The following EPS8 variants were observed in gnomAD, a reference collection of about 807,000 sequenced individuals.
EPS8 encodes the protein EGFR pathway substrate 8, signaling adaptor.
Under a neutral mutation model 103.8 loss-of-function variants are expected in EPS8, and 42 were observed. The observed-to-expected ratio is 0.40, with a 90% CI of 0.32 to 0.52. The LOEUF is 0.52. Among genes scored for constraint, EPS8 ranks in the 20% least tolerant of loss-of-function variants. The pLI is 0.40. For missense variants in EPS8, 969 were observed against 1,005.1 expected (o/e 0.96, Z 0.49); for synonymous variants, 344 against 344.6 (o/e 1.00, Z 0.02).
At chr12:15,664,327 C>A (rs980511064) in intron 8 of EPS8, among the ~76,000 whole-genome samples, 2 of 151,414 alleles carry the variant, frequency 1.3e-5, no homozygotes, top group Non-Finnish European at 2.9e-5. Context: ...TTTTTCATAT[C>A]TTTGGTAGCT....
At position 15,670,959 on chromosome 12, in the gene EPS8, C is replaced by T. The variant is rs549861686; in HGVS notation, c.137-36G>A. The T allele has an allele frequency of 1.6e-5, 24 of 1,498,624 alleles. No homozygotes were observed. In the South Asian group the frequency reaches 2.6e-4, roughly 16 times the overall value. 92.8% of individuals were successfully genotyped at this position (1,498,624 alleles called of 1,614,324 possible). On this transcript the variant is annotated intron_variant, in intron 3 of 20. Coordinates refer to ENST00000281172, the MANE Select transcript of EPS8 (RefSeq NM_004447.6). ...AATTGAAAAAGCCATGATTTGTCCC[C>T]TAATAGACTGAAGTTCATATGTTGG...
Position 15,731,077 on chromosome 12 carries a change from G to A in EPS8, c.-21-48105C>T, listed in dbSNP as rs896693543. 6.6e-6 allele frequency among the ~76,000 whole-genome samples: 1 copy of A among 152,024 alleles called. No individual in the cohort carries two copies. The highest frequency in any genetic ancestry group is 2.4e-5 in the African/African-American group (1 of 41,396). On this transcript the variant is annotated intron_variant, in intron 1 of 20. Coordinates refer to ENST00000281172, the MANE Select transcript of EPS8 (RefSeq NM_004447.6). The surrounding 1 kb of genome is among the most constrained non-coding windows in gnomAD (Gnocchi z 5.1). Reference sequence around the variant, plus strand: ...AGTTCAGTCAAAAATATATATCATAGTACCTTAAAGGCATATCTATATATG... The same window carrying A: ...AGTTCAGTCAAAAATATATATCATAATACCTTAAAGGCATATCTATATATG...
rs1055915207 is a variant in EPS8, at chr12:15,761,146, C to A, written c.-22+28015G>T. On this transcript the variant is annotated intron_variant, in intron 1 of 20. Transcript: ENST00000281172. The surrounding 1 kb of genome is among the most constrained non-coding windows in gnomAD (Gnocchi z 4.5). ...AATCAGTAGCATTTCTACATGCCAA[C>A]AGACAACAATCTGAAAAAGAAAAAA... Among the ~76,000 whole-genome samples, 1 of 151,732 alleles carries A rather than the reference C, an allele frequency of 6.6e-6. No homozygotes were observed. Among genetic ancestry groups the A allele is most frequent in the Non-Finnish European group, 1.5e-5 (1 of 67,900 alleles).
chr12:15,778,977 C>A lies in EPS8; in HGVS notation c.-22+10184G>T, dbSNP rs970369925. On this transcript the variant is annotated intron_variant, in intron 1 of 20. Coordinates refer to ENST00000281172, the MANE Select transcript of EPS8 (RefSeq NM_004447.6). The surrounding 1 kb of genome is among the most constrained non-coding windows in gnomAD (Gnocchi z 4.5). ...TTAAAATGTAACAGACTTTTTCTTT[C>A]TTTCTTTCTTTCTTTTTGAGATGGA... Among the ~76,000 whole-genome samples the A allele has an allele frequency of 6.6e-6, 1 of 151,700 alleles. No individual in the cohort carries two copies. Among genetic ancestry groups the A allele is most frequent in the Admixed American group, 6.6e-5 (1 of 15,238 alleles).
intron 20 of EPS8, among the ~76,000 whole-genome samples, chr12:15,622,868 T>C (rs990068364): frequency 3.3e-5 from 5 of 152,132 alleles, no homozygotes; most frequent in African/African-American, 9.7e-5. Context: ...TCCATTGTTA[T>C]GTCAAAATTA....
At position 15,646,308 on chromosome 12, in the gene EPS8, T is replaced by A. The variant is rs78322759; in HGVS notation, c.1568+819A>T. ...TTCAGATTATATTAAGAAAAGAGTATACAGAAAAGAAGTAAAGGGCATATA... is the reference window on the plus strand; with the variant it reads ...TTCAGATTATATTAAGAAAAGAGTAAACAGAAAAGAAGTAAAGGGCATATA... On this transcript the variant is annotated intron_variant, in intron 15 of 20. Transcript: ENST00000281172. Among the ~76,000 whole-genome samples, 209 of 152,198 alleles carry A rather than the reference T, an allele frequency of 1.4e-3. 1 individual carries two copies. The highest frequency in any genetic ancestry group is 4.8e-3 in the African/African-American group (200 of 41,540).
At chr12:15,676,702 A>T (rs1428186859) in intron 3 of EPS8, among the ~76,000 whole-genome samples, 1 of 152,236 alleles carries the variant, frequency 6.6e-6, no homozygotes, top group Non-Finnish European at 1.5e-5. Flanking sequence ...CAGTATTCTG[A>T]TAACAGTAGC....
rs1331715136 is a variant in EPS8 at position 15,701,065 on chromosome 12, C to A, written c.-21-18093G>T. ...ACCATAGTCTCTTAATGATAAACAACCTTATGACTTCAATCTGCTAAATTA... is the reference window on the plus strand; with the variant it reads ...ACCATAGTCTCTTAATGATAAACAAACTTATGACTTCAATCTGCTAAATTA... On this transcript the variant is annotated intron_variant, in intron 1 of 20. Transcript: ENST00000281172. This position sits in a 1 kb window ranked among gnomAD's most constrained non-coding sequence, Gnocchi z 5.1. 6.6e-6 allele frequency among the ~76,000 whole-genome samples: 1 copy of A among 152,114 alleles called. No individual in the cohort carries two copies. Among genetic ancestry groups the A allele is most frequent in the Non-Finnish European group, 1.5e-5 (1 of 68,040 alleles).
At position 15,785,566 on chromosome 12, in the gene EPS8, A is replaced by G. The variant is rs570782422; in HGVS notation, c.-22+3595T>C. Among the ~76,000 whole-genome samples, 1 of 152,260 alleles carries G rather than the reference A, an allele frequency of 6.6e-6. No individual in the cohort carries two copies. On this transcript the variant is annotated intron_variant, in intron 1 of 20. Coordinates refer to ENST00000281172, the MANE Select transcript of EPS8 (RefSeq NM_004447.6). The surrounding 1 kb of genome is among the most constrained non-coding windows in gnomAD (Gnocchi z 4.9). The stretch of plus-strand genomic sequence containing the variant: ...CAAACTGTTACATAAAAATATGTAC[A>G]GATATGTTCATATACACACATGTAT...
intron 1 of EPS8, among the ~76,000 whole-genome samples, chr12:15,750,024 C>T (rs1946914667): frequency 6.6e-6 from 1 of 152,166 alleles, no homozygotes; most frequent in Admixed American, 6.5e-5. Context: ...GGACAACTGC[C>T]TCCAGAATTG....
At chr12:15,647,674 G>C (rs1467715844) in intron 14 of EPS8, among the ~76,000 whole-genome samples, 1 of 152,134 alleles carries the variant, frequency 6.6e-6, no homozygotes, top group Non-Finnish European at 1.5e-5. Flanking sequence ...ACACAGAAAG[G>C]CACAACTAAA....
chr12:15,648,330 G>A (rs958868898), intron 14 of EPS8, among the ~76,000 whole-genome samples: 1 of 152,276 alleles, frequency 6.6e-6, no homozygotes, highest in Admixed American at 6.5e-5. Context: ...TTTCATTATG[G>A]ATTTTGTATA....
At position 15,747,765 on chromosome 12, in the gene EPS8, A is replaced by C. The variant is rs916292923; in HGVS notation, c.-22+41396T>G. On this transcript the variant is annotated intron_variant, in intron 1 of 20. Transcript: ENST00000281172. This position sits in a 1 kb window ranked among gnomAD's most constrained non-coding sequence, Gnocchi z 4.4. ...GCCAGGCGCAGTGGCTCACGCCTGT[A>C]ATCCCAGCACTTTGGGAGGCCGAGG... 4.6e-5 allele frequency among the ~76,000 whole-genome samples: 7 copies of C among 152,338 alleles called. No individual in the cohort carries two copies. Among genetic ancestry groups the C allele is most frequent in the Middle Eastern group, 3.4e-3 (1 of 294 alleles).
At chr12:15,741,326 G>A (rs1488790903) in intron 1 of EPS8, among the ~76,000 whole-genome samples, 1 of 152,172 alleles carries the variant, frequency 6.6e-6, no homozygotes, top group African/African-American at 2.4e-5. Context: ...GGGTTGCAGA[G>A]AGGAAATGGC....
In EPS8 at chr12:15,695,661, T is replaced by C. The variant is rs946694189; in HGVS notation, c.-21-12689A>G. Reference sequence around the variant, plus strand: ...TCCTACCTTCATGGAGCTTACAATCTAGAGGGAGGAGAGCATGAAATAAGA... The same window carrying C: ...TCCTACCTTCATGGAGCTTACAATCCAGAGGGAGGAGAGCATGAAATAAGA... On this transcript the variant is annotated intron_variant, in intron 1 of 20. Transcript: ENST00000281172. The surrounding 1 kb of genome is among the most constrained non-coding windows in gnomAD (Gnocchi z 5.0). Among the ~76,000 whole-genome samples, 1 of 152,086 alleles carries C rather than the reference T, an allele frequency of 6.6e-6. No individual in the cohort carries two copies. The highest frequency in any genetic ancestry group is 1.5e-5 in the Non-Finnish European group (1 of 68,018).
At chr12:15,770,142 T>G (rs564833884) in intron 1 of EPS8, among the ~76,000 whole-genome samples, 1 of 151,790 alleles carries the variant, frequency 6.6e-6, no homozygotes, top group East Asian at 1.9e-4. Context: ...TTTTGTCATG[T>G]TGCCCACATT....
At chr12:15,631,361 T>C (rs1398771573) in intron 18 of EPS8, 81 bp downstream of exon 18, 55 of 1,577,898 alleles carry the variant, frequency 3.5e-5, no homozygotes, top group Non-Finnish European at 3.7e-5. Flanking sequence ...TTAATACAAG[T>C]AGAATCAGCA....
chr12:15,623,343 A>C, intron 19 of EPS8, 56 bp from the exon 20 acceptor site: 1 of 1,506,852 alleles, frequency 6.6e-7, no homozygotes, highest in Non-Finnish European at 9.0e-7. Flanking sequence ...CCTACAAACA[A>C]AGGAGAAAAT....
Position 15,760,248 on chromosome 12 carries a change from A to G in EPS8, c.-22+28913T>C, listed in dbSNP as rs1030825983. Among the ~76,000 whole-genome samples the G allele has an allele frequency of 3.3e-5, 5 of 152,074 alleles. No homozygotes were observed. The highest frequency in any genetic ancestry group is 1.2e-4 in the African/African-American group (5 of 41,434). On this transcript the variant is annotated intron_variant, in intron 1 of 20. Transcript: ENST00000281172. The surrounding 1 kb of genome is among the most constrained non-coding windows in gnomAD (Gnocchi z 4.5). ...GACACACACAACCTACTAAGATTGAACTATGAAGAAATCCAAAACCTGAAC... is the reference window on the plus strand; with the variant it reads ...GACACACACAACCTACTAAGATTGAGCTATGAAGAAATCCAAAACCTGAAC...
Sources: gnomAD v4.1 joint callset for allele counts (sites outside exome capture counted in the v4.1 genomes callset) on GRCh38, gnomAD v4.1.1 for gene constraint, Gnocchi (gnomAD v3.1) non-coding constraint, MANE v1.5 for transcripts, NCBI Gene and HGNC (gene_info 2026-07-23, HGNC 2026-07-21) for gene names.